The following SEMA3A variants were observed in gnomAD, a reference collection of about 807,000 sequenced individuals.
SEMA3A encodes the protein semaphorin-3A.
Under a neutral mutation model 97.9 loss-of-function variants are expected in SEMA3A, and 29 were observed. The observed-to-expected ratio is 0.30, with a 90% CI of 0.22 to 0.40. The LOEUF (loss-of-function observed/expected upper bound fraction) is 0.40, where lower values mean the gene tolerates loss of function less well. Ranked by LOEUF, SEMA3A falls within the 10% of genes least tolerant of loss-of-function variation. The pLI, the probability that SEMA3A is intolerant of heterozygous loss-of-function variation, is 1.00. For synonymous variants in SEMA3A, 321 were observed against 323.7 expected, an observed-to-expected ratio of 0.99 and a Z score of 0.09; for missense variants, 763 against 951.3, an observed-to-expected ratio of 0.80 and a Z score of 2.60.
At chr7:84,244,992 C>T (rs775127616) in intron 3 of SEMA3A, among the ~76,000 whole-genome samples, 21 of 152,052 alleles carry the variant, frequency 1.4e-4, no homozygotes, top group African/African-American at 4.3e-4. Context: ...GTGGGTAACC[C>T]GACCTTTCTC....
intron 5 of SEMA3A, among the ~76,000 whole-genome samples, chr7:84,050,182 C>A (rs2115609708): frequency 6.6e-6 from 1 of 152,120 alleles, no homozygotes; most frequent in South Asian, 2.1e-4. Context: ...CATACGTGTG[C>A]ATGTGTCTTT....
At chr7:84,246,058 T>A (rs1383730316) in intron 3 of SEMA3A, among the ~76,000 whole-genome samples, 1 of 151,952 alleles carries the variant, frequency 6.6e-6, no homozygotes, top group African/African-American at 2.4e-5. Context: ...CTGCCCGGGG[T>A]GGGAGGAATC....
In SEMA3A at chr7:84,070,218, T is replaced by C. The variant is rs1255462006; in HGVS notation, c.454-9660A>G. The stretch of plus-strand genomic sequence containing the variant: ...TGCTATGAGCATATCATATAAGTTA[T>C]TGTGCTATATTTTATTACATGATTG... On this transcript the variant is annotated intron_variant, in intron 4 of 16. Transcript: ENST00000265362. Among the ~76,000 whole-genome samples the C allele has an allele frequency of 2.6e-5, 4 of 152,170 alleles. No homozygotes were observed. The East Asian group carries it at 5.8e-4, about 22-fold the overall frequency.
At chr7:84,076,455 A>G (rs1793952947) in intron 4 of SEMA3A, among the ~76,000 whole-genome samples, 1 of 152,046 alleles carries the variant, frequency 6.6e-6, no homozygotes, top group African/African-American at 2.4e-5. Context: ...TAAAAACCTG[A>G]TTTTTTTGTA....
At chr7:84,213,789 T>A (rs1053591733) in intron 3 of SEMA3A, among the ~76,000 whole-genome samples, 1 of 152,236 alleles carries the variant, frequency 6.6e-6, no homozygotes, top group Admixed American at 6.5e-5. Flanking sequence ...TATTTATTAA[T>A]TTATTATGCT....
chr7:84,044,556 G>T (rs1792273269), intron 6 of SEMA3A, among the ~76,000 whole-genome samples: 1 of 151,948 alleles, frequency 6.6e-6, no homozygotes, highest in African/African-American at 2.4e-5. Flanking sequence ...AAAAAGAATG[G>T]GCTAGTTAAT....
chr7:83,974,877 A>G (rs541534893), intron 15 of SEMA3A, among the ~76,000 whole-genome samples: 1 of 152,158 alleles, frequency 6.6e-6, no homozygotes, highest in South Asian at 2.1e-4. Context: ...GATATCACAA[A>G]CATCTAGAGT....
chr7:84,477,344 C>T (rs1263837613), intron 1 of SEMA3A, among the ~76,000 whole-genome samples: 1 of 142,246 alleles, frequency 7.0e-6, no homozygotes, highest in African/African-American at 2.6e-5. Context: ...GAGGCTGAGG[C>T]AGGAGAATCA....
At chr7:84,437,974 A>C (rs1180654228) in intron 1 of SEMA3A, among the ~76,000 whole-genome samples, 2 of 152,072 alleles carry the variant, frequency 1.3e-5, no homozygotes, top group African/African-American at 4.8e-5. Context: ...ACAGAACATG[A>C]AACTTGCTGG....
intron 4 of SEMA3A, among the ~76,000 whole-genome samples, chr7:84,065,667 T>C (rs1793451725): frequency 6.6e-6 from 1 of 151,942 alleles, no homozygotes; most frequent in African/African-American, 2.4e-5. Flanking sequence ...CTAGAAAATC[T>C]AGAAGCAATG....
Position 84,046,323 on chromosome 7 carries a change from C to T in SEMA3A, c.667+1G>A. The T allele has an allele frequency of 6.2e-7, 1 of 1,612,616 alleles. No individual in the cohort carries two copies. Among genetic ancestry groups the T allele is most frequent in the Non-Finnish European group, 8.5e-7 (1 of 1,179,144 alleles). On this transcript the variant is annotated splice_donor_variant, in intron 6 of 16. Coordinates refer to ENST00000265362, the MANE Select transcript of SEMA3A (RefSeq NM_006080.3). LOFTEE classifies it high-confidence loss of function. ...TCTATGTTCTTTCATAAACCACCTA[C>T]CATTGAGCCACCTGGAATCATGCTG...
chr7:84,318,489 A>AT (rs1293033226), intron 2 of SEMA3A, among the ~76,000 whole-genome samples: 1 of 151,008 alleles, frequency 6.6e-6, no homozygotes, highest in Non-Finnish European at 1.5e-5. Context: ...CGCCCGGCTA[A>AT]TTTTTTGTAT....
intron 11 of SEMA3A, among the ~76,000 whole-genome samples, chr7:84,003,833 C>G (rs1303847615): frequency 7.1e-6 from 1 of 140,670 alleles, no homozygotes; most frequent in Non-Finnish European, 1.5e-5. Flanking sequence ...ATATTTATAA[C>G]CAGAAATTGA....
chr7:84,194,795 A>AC, upstream of SEMA3A: 200 of 319,558 alleles, frequency 6.3e-4, no homozygotes, highest in Non-Finnish European at 6.5e-4. Context: ...CCCTCCAAAA[A>AC]GAAAAAAAAA....
chr7:83,963,516 G>C (rs966172847), intron 15 of SEMA3A, among the ~76,000 whole-genome samples, 169 bp from the exon 16 acceptor site: 3 of 152,186 alleles, frequency 2.0e-5, no homozygotes, highest in Admixed American at 6.5e-5. Context: ...GAGCCCAAAT[G>C]CCTACCTAAA....
intron 1 of SEMA3A, among the ~76,000 whole-genome samples, chr7:84,147,048 A>G (rs1361968309): frequency 1.3e-5 from 2 of 152,234 alleles, no homozygotes; most frequent in African/African-American, 2.4e-5. Flanking sequence ...AGTGTTCTTC[A>G]AATAACCATA....
chr7:84,291,530 G>C (rs1562888866), intron 3 of SEMA3A, among the ~76,000 whole-genome samples: 3 of 151,856 alleles, frequency 2.0e-5, no homozygotes, highest in Non-Finnish European at 4.4e-5. Context: ...ATTACGTAAT[G>C]CTGTCTCTTC....
intron 3 of SEMA3A, among the ~76,000 whole-genome samples, chr7:84,291,264 A>C (rs1800737033): frequency 1.3e-5 from 2 of 152,052 alleles, no homozygotes; most frequent in Admixed American, 1.3e-4. Context: ...TCTTTGTGTA[A>C]AGCATAAAAC....
At chr7:84,101,656 ATAT>A (rs1794963193) in intron 4 of SEMA3A, among the ~76,000 whole-genome samples, 1 of 152,174 alleles carries the variant, frequency 6.6e-6, no homozygotes, top group South Asian at 2.1e-4. Flanking sequence ...AGTTTAAATA[ATAT>A]TATCATAAGC....
Sources: allele counts gnomAD v4.1 joint callset (sites outside exome capture counted in the v4.1 genomes callset), GRCh38; gene constraint gnomAD v4.1.1; transcripts MANE v1.5; gene names NCBI Gene and HGNC (gene_info 2026-07-23, HGNC 2026-07-21).